The following PDE1A variants were observed in gnomAD, a reference collection of about 807,000 sequenced individuals.
PDE1A encodes phosphodiesterase 1A.
In PDE1A, 35 loss-of-function variants were observed where a neutral mutation model predicts 61.7. The observed-to-expected ratio is 0.57, with a 90% confidence interval of 0.43 to 0.75. The LOEUF is 0.75. PDE1A is among the 30% of genes least tolerant of loss of function. PDE1A has a pLI of 0.00. For missense variants in PDE1A, 597 were observed against 630.6 expected (o/e 0.95, Z 0.57); for synonymous variants, 232 against 213.2 (o/e 1.09, Z -0.77).
At chr2:182,210,854 G>A (rs1165959103) in intron 7 of PDE1A, among the ~76,000 whole-genome samples, 1 of 151,584 alleles carries the variant, frequency 6.6e-6, no homozygotes, top group Non-Finnish European at 1.5e-5. Flanking sequence ...GTGTCTTAGT[G>A]TGTTTTATGC....
At chr2:182,435,675 G>C (rs2125653739) in intron 2 of PDE1A, among the ~76,000 whole-genome samples, 1 of 152,140 alleles carries the variant, frequency 6.6e-6, no homozygotes, top group African/African-American at 2.4e-5. Context: ...TCAGTGGAAA[G>C]CTGTTCAAAA....
At chr2:182,688,598 G>T in the PDE1A span, among the ~76,000 whole-genome samples, 1 of 152,102 alleles carries the variant, frequency 6.6e-6, no homozygotes, top group Non-Finnish European at 1.5e-5. Context: ...AGACCATCAA[G>T]GCTAGGAAGA....
chr2:182,499,822 T>C (rs1223872665), intron 2 of PDE1A, among the ~76,000 whole-genome samples: 1 of 152,148 alleles, frequency 6.6e-6, no homozygotes, highest in Non-Finnish European at 1.5e-5. Context: ...GCTCATCCCC[T>C]AAACAGGGTA....
chr2:182,303,403 C>A (rs979787010), intron 1 of PDE1A, among the ~76,000 whole-genome samples: 4 of 152,174 alleles, frequency 2.6e-5, no homozygotes, highest in Non-Finnish European at 4.4e-5. Flanking sequence ...TGAGTAGTGA[C>A]ATTTGAAATG....
chr2:182,316,449 T>C (rs954122665), intron 1 of PDE1A, among the ~76,000 whole-genome samples: 3 of 152,180 alleles, frequency 2.0e-5, no homozygotes, highest in African/African-American at 7.2e-5. Flanking sequence ...CCCAAGACTA[T>C]ATGTTTGGTA....
At chr2:182,355,080 T>C (rs1699100511) in intron 1 of PDE1A, among the ~76,000 whole-genome samples, 2 of 152,066 alleles carry the variant, frequency 1.3e-5, no homozygotes, top group Admixed American at 6.6e-5. Context: ...AAGAGATAAG[T>C]TGAGGCTTTG....
downstream of PDE1A, chr2:182,142,227 C>T (rs1003074792): frequency 1.3e-5 from 2 of 151,982 alleles, no homozygotes; most frequent in African/African-American, 4.8e-5. Flanking sequence ...ATCCCGCTGG[C>T]AAATTTCATT....
chr2:182,711,174 G>A, the PDE1A span, among the ~76,000 whole-genome samples: 1 of 152,114 alleles, frequency 6.6e-6, no homozygotes, highest in Non-Finnish European at 1.5e-5. Flanking sequence ...AGAACAGCCT[G>A]GAATAGGTTG....
At chr2:182,324,689 C>A (rs933071927) in intron 1 of PDE1A, among the ~76,000 whole-genome samples, 1 of 152,178 alleles carries the variant, frequency 6.6e-6, no homozygotes, top group African/African-American at 2.4e-5. Context: ...GCTCATCCCA[C>A]GTCTGTACTC....
chr2:182,198,682 G>A (rs1335272889), intron 10 of PDE1A, among the ~76,000 whole-genome samples: 1 of 151,380 alleles, frequency 6.6e-6, no homozygotes, highest in Non-Finnish European at 1.5e-5. Flanking sequence ...GATATGATAT[G>A]CACTATCTTA....
chr2:182,415,746 A>G (rs1315004674), intron 1 of PDE1A, among the ~76,000 whole-genome samples: 1 of 152,204 alleles, frequency 6.6e-6, no homozygotes, highest in Non-Finnish European at 1.5e-5. Context: ...ATCGTATGAC[A>G]CTGAAAACAT....
At chr2:182,163,444 C>A (rs574861813), downstream of PDE1A, among the ~76,000 whole-genome samples, 1 of 152,242 alleles carries the variant, frequency 6.6e-6, no homozygotes, top group Non-Finnish European at 1.5e-5. Flanking sequence ...CTGTTCACTT[C>A]ATTGATGATA....
At chr2:182,695,567 T>C in the PDE1A span, among the ~76,000 whole-genome samples, 1 of 148,440 alleles carries the variant, frequency 6.7e-6, no homozygotes, top group African/African-American at 2.5e-5. Context: ...CTTGGGAGGC[T>C]GAGGCAGGAG....
the PDE1A span, among the ~76,000 whole-genome samples, chr2:182,702,071 A>G: frequency 2.0e-5 from 3 of 152,222 alleles, no homozygotes; most frequent in African/African-American, 4.8e-5. Flanking sequence ...TTTAGCATGC[A>G]TAAACAGTAA....
the PDE1A span, among the ~76,000 whole-genome samples, chr2:182,689,844 G>T: frequency 3.4e-4 from 51 of 152,130 alleles, no homozygotes; most frequent in African/African-American, 1.2e-3. Flanking sequence ...ATGATAAAGG[G>T]GATATCACCA....
At chr2:182,651,132 G>C in the PDE1A span, among the ~76,000 whole-genome samples, 1 of 152,080 alleles carries the variant, frequency 6.6e-6, no homozygotes, top group Non-Finnish European at 1.5e-5. Flanking sequence ...TCAGACTCCT[G>C]AGTAGCTGGG....
At chr2:182,376,832 C>A (rs767511414) in intron 1 of PDE1A, among the ~76,000 whole-genome samples, 10 of 152,120 alleles carry the variant, frequency 6.6e-5, no homozygotes, top group Non-Finnish European at 1.3e-4. Flanking sequence ...CAAGGAGGAG[C>A]AAGTCACATC....
At chr2:182,355,206 A>G (rs748376136) in intron 1 of PDE1A, among the ~76,000 whole-genome samples, 81 of 152,090 alleles carry the variant, frequency 5.3e-4, no homozygotes, top group Non-Finnish European at 4.4e-4. Context: ...AGTTATATCA[A>G]TTGCTGAATT....
At chr2:182,714,262 T>A in the PDE1A span, among the ~76,000 whole-genome samples, 1 of 152,236 alleles carries the variant, frequency 6.6e-6, no homozygotes, top group Non-Finnish European at 1.5e-5. Flanking sequence ...TCATTCTTGA[T>A]GTTAGAATTC....
Sources: allele counts gnomAD v4.1 joint callset (sites outside exome capture counted in the v4.1 genomes callset), GRCh38; gene constraint gnomAD v4.1.1; transcripts MANE v1.5; gene names NCBI Gene and HGNC (gene_info 2026-07-23, HGNC 2026-07-21).